Variants in ZNF638 observed in about 807,000 individuals in gnomAD.
ZNF638 encodes CTCL tumor antigen se33-1.
Under a neutral mutation model 195.6 loss-of-function variants are expected in ZNF638, and 46 were observed. The ratio of observed to expected loss-of-function variants is 0.24; its 90% CI spans 0.19 to 0.30. The LOEUF (loss-of-function observed/expected upper bound fraction) is 0.30, where lower values mean the gene tolerates loss of function less well. ZNF638 is among the 10% of genes least tolerant of loss of function. ZNF638 has a pLI of 1.00. For missense variants in ZNF638, 2,440 were observed against 2,325.3 expected, an observed-to-expected ratio of 1.05 and a Z score of -1.01; for synonymous variants, 845 against 772.0, an observed-to-expected ratio of 1.09 and a Z score of -1.57.
Position 71,401,977 on chromosome 2 carries a change from A to C in ZNF638, c.2719A>C (p.Met907Leu). The C allele has an allele frequency of 1.3e-6, 2 of 1,592,994 alleles. No homozygotes were observed. Among genetic ancestry groups the C allele is most frequent in the Non-Finnish European group, 1.7e-6 (2 of 1,169,896 alleles). The change falls in exon 16 of 28, where the codon ATG (methionine) becomes CTG (leucine). Residue 907 changes from methionine to leucine, a missense_variant. By Grantham distance (15) the Met-to-Leu change is conservative (BLOSUM62 2). Transcript: ENST00000264447. ...LNKETEEMCV[M>L]LVSNLPNKGY... ...GAAGGAAACAGAAGAAATGTGTGTG[A>C]TGCTTGTCTCTAATTTGCCTAATAA...
chr2:71,421,119 G>T (rs1410642281), intron 21 of ZNF638, among the ~76,000 whole-genome samples: 1 of 152,130 alleles, frequency 6.6e-6, no homozygotes, highest in African/African-American at 2.4e-5. Context: ...AAAGTTTTAT[G>T]TAGGGTTAAT....
At chr2:71,332,204 C>A (rs553347622) in intron 1 of ZNF638, among the ~76,000 whole-genome samples, 5 of 152,336 alleles carry the variant, frequency 3.3e-5, no homozygotes, top group African/African-American at 1.2e-4. Flanking sequence ...AGCCCTTTGG[C>A]GAGGCCGAGG....
intron 6 of ZNF638, among the ~76,000 whole-genome samples, chr2:71,365,992 C>A (rs1441575564): frequency 6.6e-6 from 1 of 152,174 alleles, no homozygotes; most frequent in East Asian, 1.9e-4. Flanking sequence ...GTGCATGAGC[C>A]ACTATGCCTG....
intron 8 of ZNF638, among the ~76,000 whole-genome samples, chr2:71,370,788 A>G (rs1309618798): frequency 1.3e-5 from 2 of 152,222 alleles, no homozygotes; most frequent in Non-Finnish European, 2.9e-5. Context: ...ATTATGGAAA[A>G]TGGGATATCT....
At chr2:71,348,467 A>G (rs2078888880) in intron 1 of ZNF638, 1 of 1,021,264 alleles carries the variant, frequency 9.8e-7, no homozygotes, top group Non-Finnish European at 1.2e-6. Flanking sequence ...TTTCAAGATT[A>G]TGTAAAAGGA....
chr2:71,377,090 T>C (rs1166971505), intron 8 of ZNF638, among the ~76,000 whole-genome samples: 2 of 152,204 alleles, frequency 1.3e-5, no homozygotes, highest in African/African-American at 2.4e-5. Context: ...CCAGGCAATA[T>C]AGTGAGCTCT....
chr2:71,383,618 A>T, intron 10 of ZNF638, among the ~76,000 whole-genome samples: 1 of 116,522 alleles, frequency 8.6e-6, no homozygotes, highest in African/African-American at 3.4e-5. Context: ...TCTGTTGCCT[A>T]GTTTGGAGTA....
intron 22 of ZNF638, 93 bp from the exon 23 acceptor site, chr2:71,424,557 T>C (rs1344704316): frequency 1.0e-6 from 1 of 1,000,210 alleles, no homozygotes; most frequent in Non-Finnish European, 1.5e-6. Context: ...GGGTAATGTT[T>C]ACTGTTTTTT....
chr2:71,408,691 G>A (rs1468790599), intron 20 of ZNF638: 2 of 424,038 alleles, frequency 4.7e-6, no homozygotes, highest in Non-Finnish European at 9.4e-6. Context: ...AGTACATGTA[G>A]GAAAGCTATG....
chr2:71,355,199 G>A lies in ZNF638; in HGVS notation c.1318-520G>A, dbSNP rs193046414. Among the ~76,000 whole-genome samples the A allele has an allele frequency of 1.1e-4, 17 of 152,046 alleles. No homozygotes were observed. The East Asian group carries it at 3.3e-3, about 29-fold the overall frequency. ...TGTCGATCTCCTGAACTCGTGATCCGCCCTCCTTGGCCTCCCAAAGTGCTG... is the reference window on the plus strand; with the variant it reads ...TGTCGATCTCCTGAACTCGTGATCCACCCTCCTTGGCCTCCCAAAGTGCTG... On this transcript the variant is annotated intron_variant, in intron 2 of 27. Transcript: ENST00000264447.
chr2:71,408,906 A>G (rs12474072), intron 20 of ZNF638: 96,195 of 193,910 alleles, frequency 0.5, 25,659 homozygotes, highest in Admixed American at 0.62. Flanking sequence ...TAAATGTATT[A>G]TGATAGGTAC....
At chr2:71,393,632 C>T (rs1311281252) in intron 10 of ZNF638, 2 of 717,914 alleles carry the variant, frequency 2.8e-6, no homozygotes, top group Non-Finnish European at 5.2e-6. Flanking sequence ...TTGTTCCTTG[C>T]TCTGCTCTCT....
chr2:71,396,255 T>C, intron 11 of ZNF638, 64 bp downstream of exon 11: 2 of 1,344,718 alleles, frequency 1.5e-6, no homozygotes, highest in Non-Finnish European at 2.1e-6. Context: ...TAAAATCGTA[T>C]GGCAGTAGTA....
intron 20 of ZNF638, among the ~76,000 whole-genome samples, chr2:71,411,453 A>ATTTTTTTTTTTTT (rs1283094894): frequency 7.2e-6 from 1 of 139,702 alleles, no homozygotes; most frequent in East Asian, 2.0e-4. Context: ...TTTTTTATTT[A>ATTTTTTTTTTTTT]TTTTTTATTT....
At chr2:71,379,936 A>G (rs1245613495) in intron 8 of ZNF638, 1 of 188,720 alleles carries the variant, frequency 5.3e-6, no homozygotes, top group Non-Finnish European at 1.1e-5. Context: ...AGGAAAAAAA[A>G]CATAGTATAT....
rs141838860 is a variant in ZNF638, at chr2:71,428,549, A to G, written c.5548A>G (p.Lys1850Glu). 123 of 1,612,032 alleles carry G rather than the reference A, an allele frequency of 7.6e-5. No homozygotes were observed. In the African/African-American group the frequency reaches 1.4e-3, roughly 19 times the overall value. Residue 1850 changes from lysine (K) to glutamate (E), a missense_variant and splice_region_variant, in exon 25 of 28, where the codon AAA (lysine) becomes GAA (glutamate). Physicochemically the swap from Lys to Glu is moderately conservative, Grantham distance 56 (BLOSUM62 1). Transcript: ENST00000264447. ...AAATTAGGACTTTCTTTTTAAAGCT[A>G]AAACTCCAACCAAGAGAGTTAGAAT... ...KTMIERHLTA[K>E]TPTKRVRIGK...
At chr2:71,387,546 C>G (rs958986357) in intron 10 of ZNF638, among the ~76,000 whole-genome samples, 1 of 151,954 alleles carries the variant, frequency 6.6e-6, no homozygotes, top group African/African-American at 2.4e-5. Context: ...TGGTGCTCTC[C>G]TGTAGACCCA....
chr2:71,405,595 T>A lies in ZNF638; in HGVS notation c.2959-6T>A. On this transcript the variant is annotated splice_polypyrimidine_tract_variant and splice_region_variant and intron_variant, in intron 17 of 27. Coordinates refer to ENST00000264447, the MANE Select transcript of ZNF638 (RefSeq NM_014497.5). The stretch of plus-strand genomic sequence containing the variant: ...CCATCAACCTTTATCTATTTTTGCT[T>A]TTTAGGAAGCTATATTTATAACCTT... 6.4e-7 allele frequency: 1 copy of A among 1,558,310 alleles called. No homozygotes were observed. Among genetic ancestry groups the A allele is most frequent in the East Asian group, 2.3e-5 (1 of 43,808 alleles).
chr2:71,424,388 C>CT (rs1429575331), intron 22 of ZNF638, among the ~76,000 whole-genome samples: 1 of 151,824 alleles, frequency 6.6e-6, no homozygotes, highest in Non-Finnish European at 1.5e-5. Flanking sequence ...TTGAAGCTTC[C>CT]TTTATCAGGT....
Sources: allele counts gnomAD v4.1 joint callset (sites outside exome capture counted in the v4.1 genomes callset), GRCh38; gene constraint gnomAD v4.1.1; transcripts MANE v1.5; gene names NCBI Gene and HGNC (gene_info 2026-07-23, HGNC 2026-07-21).